Variants in ARHGEF17 observed in about 807,000 individuals in gnomAD.
ARHGEF17 encodes Rho guanine nucleotide exchange factor 17, also known as 164 kDa Rho-specific guanine-nucleotide exchange factor.
Under a neutral mutation model 174.0 loss-of-function variants are expected in ARHGEF17, and 80 were observed. That is an observed-to-expected ratio of 0.46 (90% CI 0.38 to 0.55). The LOEUF is 0.55. Ranked by LOEUF, ARHGEF17 falls within the 20% of genes least tolerant of loss-of-function variation. The probability of loss-of-function intolerance (pLI) is 0.00; values close to 1 mark genes in which losing one functional copy is unlikely to be tolerated. For synonymous variants in ARHGEF17, 1,311 were observed against 1,189.1 expected (o/e 1.10, Z -2.11); for missense variants, 2,886 against 2,839.7 (o/e 1.02, Z -0.37).
chr11:73,329,886 G>C (rs892349092), intron 1 of ARHGEF17, among the ~76,000 whole-genome samples: 1 of 152,190 alleles, frequency 6.6e-6, no homozygotes. Flanking sequence ...TCATTTTGCT[G>C]CTGTCCATGG....
intron 1 of ARHGEF17, among the ~76,000 whole-genome samples, chr11:73,322,441 G>A (rs1407630859): frequency 6.6e-6 from 1 of 152,208 alleles, no homozygotes; most frequent in Non-Finnish European, 1.5e-5. Flanking sequence ...CCAGCAAGGG[G>A]CCTTGCCCAA....
chr11:73,364,381 T>C, intron 17 of ARHGEF17, 71 bp from the exon 18 acceptor site: 1 of 1,608,706 alleles, frequency 6.2e-7, no homozygotes, highest in South Asian at 1.1e-5. Context: ...TGTTAACATC[T>C]CATTTCAGGG....
intron 2 of ARHGEF17, chr11:73,347,264 TG>T (rs1865479318): frequency 2.0e-6 from 1 of 487,898 alleles, no homozygotes; most frequent in Non-Finnish European, 3.7e-6. Flanking sequence ...CTCCCTCTGA[TG>T]TGCCGCCTCC....
Position 73,361,082 on chromosome 11 carries a change from C to T in ARHGEF17, c.4421-6C>T, listed in dbSNP as rs1258581179. The T allele has an allele frequency of 8.7e-6, 14 of 1,613,582 alleles. No homozygotes were observed. Among genetic ancestry groups the T allele is most frequent in the Non-Finnish European group, 1.2e-5 (14 of 1,179,572 alleles). On this transcript the variant is annotated splice_polypyrimidine_tract_variant and splice_region_variant and intron_variant, in intron 11 of 20. Coordinates refer to ENST00000263674, the MANE Select transcript of ARHGEF17 (RefSeq NM_014786.4). ...GGGTCCGTCTGTCTGTCCATCTCCA[C>T]TACAGCATCCAGCAAAAGCTGTCTA... is the stretch of plus-strand genomic sequence containing the variant.
In ARHGEF17 at chr11:73,325,084, A is replaced by G. The variant is rs117289725; in HGVS notation, c.3192+13254A>G. 7.2e-3 allele frequency among the ~76,000 whole-genome samples: 1,092 copies of G among 152,280 alleles called. 14 individuals are homozygous for G. Among genetic ancestry groups the G allele is most frequent in the East Asian group, 0.07 (363 of 5,176 alleles). On this transcript the variant is annotated intron_variant, in intron 1 of 20. Transcript: ENST00000263674. ...GGGAGACAGGCAGGCCAGGCAGTGC[A>G]GTGCAGTCCCGTTTGCAGTATCTGG...
rs780905191 is a variant in ARHGEF17, at chr11:73,355,575, G to A, written c.3496G>A (p.Asp1166Asn). 69 of 1,614,040 alleles carry A rather than the reference G, an allele frequency of 4.3e-5. No homozygotes were observed. Among genetic ancestry groups the A allele is most frequent in the Non-Finnish European group, 1.4e-5 (17 of 1,180,012 alleles). Residue 1166 changes from aspartate to asparagine, a missense_variant, in exon 4 of 21, where the codon GAT (aspartate) becomes AAT (asparagine). This residue lies in a region of ARHGEF17 where 353 missense variants were observed against 470.3 expected (regional missense o/e 0.75). Coordinates refer to ENST00000263674, the MANE Select transcript of ARHGEF17 (RefSeq NM_014786.4). ...VLVNIYSAYI[D>N]NFLNAKDAVR... ...AGTAAACATCTATTCTGCCTATATC[G>A]ATAACTTCCTCAATGCAAAGGATGC...
chr11:73,356,995 C>T (rs933857668), intron 7 of ARHGEF17, 30 bp from the exon 8 acceptor site: 1 of 1,610,586 alleles, frequency 6.2e-7, no homozygotes, highest in Non-Finnish European at 8.5e-7. Flanking sequence ...CTGTGTCCAC[C>T]CAGCCTGAAT....
intron 2 of ARHGEF17, 72 bp from the exon 3 acceptor site, chr11:73,352,758 C>A: frequency 1.9e-6 from 3 of 1,565,012 alleles, no homozygotes; most frequent in Non-Finnish European, 2.6e-6. Context: ...TGCACTCACA[C>A]AGGGGCCCTG....
In ARHGEF17 at chr11:73,355,525, C is replaced by T. The variant is rs1318889534; in HGVS notation, c.3454-8C>T. ...TTGAGGGTCCCCAACCTGCCTCCTC[C>T]TCCACAGTTCTCCAAGGATGTCCTA... On this transcript the variant is annotated splice_region_variant and splice_polypyrimidine_tract_variant and intron_variant, in intron 3 of 20. Transcript: ENST00000263674. 6.2e-7 allele frequency: 1 copy of T among 1,609,028 alleles called. No individual in the cohort carries two copies.
rs759443818 is a variant in ARHGEF17, at chr11:73,355,893, G to A, written c.3603G>A (p.Ala1201=). Residue 1201 remains alanine (A), a synonymous_variant, in exon 5 of 21, where the codon GCG becomes GCA. Transcript: ENST00000263674. ...QSMRENKEKQ[A]LSDLMIKPVQ... ...TGCGTGAGAACAAGGAGAAGCAGGC[G>A]CTGTCTGACCTCATGATCAAGCCTG... 3.6e-5 allele frequency: 58 copies of A among 1,614,046 alleles called. No individual in the cohort carries two copies. The East Asian group carries it at 1.1e-3, about 32-fold the overall frequency.
At chr11:73,346,274 T>G (rs956784618) in intron 1 of ARHGEF17, among the ~76,000 whole-genome samples, 1 of 152,166 alleles carries the variant, frequency 6.6e-6, no homozygotes. Context: ...GAGGGCATAG[T>G]TAATGTTTTT....
rs753032222 is a variant in ARHGEF17 at position 73,310,473 on chromosome 11, G to A, written c.1835G>A (p.Gly612Glu). ...CGCATGGGTGCCCAACAAGATGATGGAAGCGATGCCCCCCCTGGAAGCCCT... is the reference window on the plus strand; with the variant it reads ...CGCATGGGTGCCCAACAAGATGATGAAAGCGATGCCCCCCCTGGAAGCCCT... The part of the protein sequence containing the change: ...IQRMGAQQDD[G>E]SDAPPGSPDW... Residue 612 changes from glycine to glutamate, a missense_variant, in exon 1 of 21, where the codon GGA becomes GAA. Gly to Glu is a moderately conservative substitution (Grantham distance 98). Transcript: ENST00000263674. 3 of 1,614,022 alleles carry A rather than the reference G, an allele frequency of 1.9e-6. No individual in the cohort carries two copies. In the East Asian group the frequency reaches 6.7e-5, roughly 36 times the overall value.
At chr11:73,363,615 C>T (rs932344765) in intron 15 of ARHGEF17, 132 bp from the exon 16 acceptor site, 2 of 1,490,918 alleles carry the variant, frequency 1.3e-6, no homozygotes, top group African/African-American at 2.8e-5. Context: ...CCCAGGGAGG[C>T]TGTGGGACCT....
chr11:73,340,763 A>T (rs1471981474), intron 1 of ARHGEF17, among the ~76,000 whole-genome samples: 2 of 152,196 alleles, frequency 1.3e-5, no homozygotes, highest in African/African-American at 4.8e-5. Flanking sequence ...ACCACTCTGC[A>T]TGTGCTGTGG....
At chr11:73,334,422 G>T (rs1485234649) in intron 1 of ARHGEF17, among the ~76,000 whole-genome samples, 2 of 152,204 alleles carry the variant, frequency 1.3e-5, no homozygotes, top group African/African-American at 4.8e-5. Context: ...GAAGAGACCA[G>T]CCTGGCTAGA....
rs150663653 is a variant in ARHGEF17, at chr11:73,310,021, C to T, written c.1383C>T (p.Ser461=). Reference sequence around the variant, plus strand: ...CTGAAAAGAGTCGACAGCGGAAGTCCCTGTCAAATCCAGATATCGCCTCAG... The same window carrying T: ...CTGAAAAGAGTCGACAGCGGAAGTCTCTGTCAAATCCAGATATCGCCTCAG... ...FEPEKSRQRK[S]LSNPDIASET... Residue 461 remains serine (S), a synonymous_variant, in exon 1 of 21, where the codon TCC becomes TCT. Transcript: ENST00000263674. 5 of 1,614,138 alleles carry T rather than the reference C, an allele frequency of 3.1e-6. No homozygotes were observed. In the African/African-American group the frequency reaches 5.3e-5, roughly 17 times the overall value.
In ARHGEF17 at chr11:73,360,351, C is replaced by G. The variant is rs1356430388; in HGVS notation, c.4238C>G (p.Ala1413Gly). The G allele has an allele frequency of 1.2e-6, 2 of 1,613,878 alleles. No homozygotes were observed. Among genetic ancestry groups the G allele is most frequent in the African/African-American group, 1.3e-5 (1 of 75,078 alleles). ...GACGATGCACTGCGGGACCTCTCAG[C>G]TGCCATGCACCGGGACCTGTCGGAG... Reference protein sequence around the residue: ...SLDDALRDLSAAMHRDLSEKQ... With the variant: ...SLDDALRDLSGAMHRDLSEKQ... The change falls in exon 11 of 21, where the codon GCT (alanine) becomes GGT (glycine). Residue 1413 changes from alanine (A) to glycine (G), a missense_variant. Transcript: ENST00000263674.
Position 73,308,575 on chromosome 11 carries a change from G to A in ARHGEF17, c.-64G>A. 1 of 1,336,478 alleles carries A rather than the reference G, an allele frequency of 7.5e-7. No individual in the cohort carries two copies. Among genetic ancestry groups the A allele is most frequent in the Non-Finnish European group, 9.6e-7 (1 of 1,036,376 alleles). The allele number at this position is 1,336,478 out of a possible 1,614,324, so 82.8% of individuals were successfully genotyped here. A position where few individuals can be genotyped will look rare whatever the true frequency, so the allele number is the denominator to read the frequency against. Reference sequence around the variant, plus strand: ...TGGGCCGCTGCGCTCCTAGGGAGTGGGGGCGCAGGGGGGGTTGGCCGCGGC... The same window carrying A: ...TGGGCCGCTGCGCTCCTAGGGAGTGAGGGCGCAGGGGGGGTTGGCCGCGGC... On this transcript the variant is annotated 5_prime_UTR_variant, in exon 1 of 21. Transcript: ENST00000263674.
Position 73,347,175 on chromosome 11 carries a change from C to A in ARHGEF17, c.3270+215C>A, listed in dbSNP as rs1361848133. On this transcript the variant is annotated intron_variant, in intron 2 of 20. Coordinates refer to ENST00000263674, the MANE Select transcript of ARHGEF17 (RefSeq NM_014786.4). ...AAGAGAGAATGCAGAGGGGCCAGGCCACCCCAGGGCAGGCGTCCCTACCCT... is the reference window on the plus strand; with the variant it reads ...AAGAGAGAATGCAGAGGGGCCAGGCAACCCCAGGGCAGGCGTCCCTACCCT... 7 of 663,206 alleles carry A rather than the reference C, an allele frequency of 1.1e-5. No homozygotes were observed. The Admixed American group carries it at 1.5e-4, about 14-fold the overall frequency. 41.1% of individuals were successfully genotyped at this position (663,206 alleles called of 1,614,324 possible).
Sources: gnomAD v4.1 joint callset for allele counts (sites outside exome capture counted in the v4.1 genomes callset) on GRCh38, gnomAD v4.1.1 for gene constraint, gnomAD v4.1.1 regional missense constraint, MANE v1.5 for transcripts, NCBI Gene and HGNC (gene_info 2026-07-23, HGNC 2026-07-21) for gene names.